Variants in KCNIP4 observed in about 807,000 individuals in gnomAD.
KCNIP4 encodes Kv channel-interacting protein 4.
A neutral mutation model predicts 34.0 loss-of-function variants in KCNIP4; 12 were observed. The ratio of observed to expected loss-of-function variants is 0.35; its 90% CI spans 0.23 to 0.57. The LOEUF (loss-of-function observed/expected upper bound fraction) is 0.57. Ranked by LOEUF, KCNIP4 falls within the 20% of genes least tolerant of loss-of-function variation. The probability of loss-of-function intolerance (pLI) is 0.83; values close to 1 mark genes in which losing one functional copy is unlikely to be tolerated. For missense variants in KCNIP4, 238 were observed against 311.7 expected, an observed-to-expected ratio of 0.76 and a Z score of 1.78; for synonymous variants, 124 against 102.2, an observed-to-expected ratio of 1.21 and a Z score of -1.29.
chr4:21,017,963 T>C (rs1227857364), intron 1 of KCNIP4, among the ~76,000 whole-genome samples: 1 of 152,222 alleles, frequency 6.6e-6, no homozygotes, highest in African/African-American at 2.4e-5. Context: ...AGTTTTGATG[T>C]GGTGTTTATA....
intron 1 of KCNIP4, among the ~76,000 whole-genome samples, chr4:21,367,053 C>A (rs774818212): frequency 5.3e-5 from 8 of 152,062 alleles, no homozygotes; most frequent in Non-Finnish European, 1.2e-4. Context: ...CATGTGAGGA[C>A]ACAGCGTTTC....
At chr4:21,929,583 A>T (rs1048971599) in intron 1 of KCNIP4, among the ~76,000 whole-genome samples, 1 of 152,120 alleles carries the variant, frequency 6.6e-6, no homozygotes, top group Non-Finnish European at 1.5e-5. Context: ...GCCTATAAAC[A>T]TGCCCAAACT....
intron 8 of KCNIP4, 84 bp downstream of exon 8, chr4:20,731,922 C>G (rs1748359604): frequency 1.4e-5 from 22 of 1,568,690 alleles, no homozygotes; most frequent in Non-Finnish European, 1.9e-5. Context: ...CTATATTTCG[C>G]CCAGTTCATG....
At chr4:20,731,655 A>ATGAT (rs1248216448) in intron 8 of KCNIP4, 1 of 985,154 alleles carries the variant, frequency 1.0e-6, no homozygotes, top group African/African-American at 1.7e-5. Flanking sequence ...CTGTGGAGAT[A>ATGAT]TGATAGATAA....
chr4:21,353,418 G>A (rs2109382419), intron 1 of KCNIP4, among the ~76,000 whole-genome samples: 1 of 152,266 alleles, frequency 6.6e-6, no homozygotes, highest in Non-Finnish European at 1.5e-5. Context: ...TAGATGAATG[G>A]CTAACTAGAC....
intron 1 of KCNIP4, among the ~76,000 whole-genome samples, chr4:21,726,581 T>G (rs1175291398): frequency 6.6e-6 from 1 of 152,186 alleles, no homozygotes; most frequent in Non-Finnish European, 1.5e-5. Context: ...ATTTGAGTCC[T>G]GCTTTCAGGA....
chr4:20,898,190 A>C (rs998292919), intron 1 of KCNIP4, among the ~76,000 whole-genome samples: 4 of 152,120 alleles, frequency 2.6e-5, no homozygotes, highest in African/African-American at 9.7e-5. Context: ...TTCAGACTCC[A>C]ACTTGATTAT....
intron 1 of KCNIP4, among the ~76,000 whole-genome samples, chr4:21,015,876 A>T (rs1214997443): frequency 7.0e-6 from 1 of 141,906 alleles, no homozygotes; most frequent in Non-Finnish European, 1.5e-5. Context: ...ATAAAAATAT[A>T]TAAATATATA....
chr4:21,816,587 C>T (rs1201093554), intron 1 of KCNIP4, among the ~76,000 whole-genome samples: 1 of 152,112 alleles, frequency 6.6e-6, no homozygotes. Flanking sequence ...CAGTACACAG[C>T]ACCACCTTTG....
chr4:21,127,859 C>T (rs1220446327), intron 1 of KCNIP4, among the ~76,000 whole-genome samples: 2 of 152,170 alleles, frequency 1.3e-5, no homozygotes, highest in Non-Finnish European at 2.9e-5. Flanking sequence ...GCTGTCCCTG[C>T]ACAATCAAAA....
chr4:21,000,102 T>C (rs916413006), intron 1 of KCNIP4, among the ~76,000 whole-genome samples: 2 of 152,146 alleles, frequency 1.3e-5, no homozygotes, highest in African/African-American at 4.8e-5. Flanking sequence ...CTTAGAATGG[T>C]GAATTTTCCA....
At chr4:20,757,526 A>C (rs1290944278) in intron 4 of KCNIP4, among the ~76,000 whole-genome samples, 1 of 150,148 alleles carries the variant, frequency 6.7e-6, no homozygotes, top group Non-Finnish European at 1.5e-5. Context: ...TCCATTGTAC[A>C]CTCTCTACCC....
intron 1 of KCNIP4, among the ~76,000 whole-genome samples, chr4:21,835,511 T>TAGTAA (rs3052837): frequency 0.76 from 115,062 of 151,556 alleles, 46,910 homozygotes; most frequent in East Asian, 0.89. Flanking sequence ...CAACAATTAT[T>TAGTAA]AGTAATTATT....
At chr4:21,109,629 G>A (rs550326168) in intron 1 of KCNIP4, among the ~76,000 whole-genome samples, 16 of 152,164 alleles carry the variant, frequency 1.1e-4, no homozygotes, top group African/African-American at 3.9e-4. Flanking sequence ...CCACTGTCTG[G>A]CACTCCCTAG....
At chr4:21,814,888 G>C (rs1359436927) in intron 1 of KCNIP4, among the ~76,000 whole-genome samples, 2 of 152,096 alleles carry the variant, frequency 1.3e-5, no homozygotes, top group Non-Finnish European at 2.9e-5. Context: ...AATTGACACA[G>C]AACTTGTTTC....
intron 1 of KCNIP4, among the ~76,000 whole-genome samples, chr4:21,168,739 G>A (rs1753807129): frequency 6.6e-6 from 1 of 152,044 alleles, no homozygotes; most frequent in Admixed American, 6.6e-5. Context: ...CATTAGTCTG[G>A]AAAAAAATAA....
rs1723263141 is a variant in KCNIP4, at chr4:21,399,249, G to C, written c.62-516540C>G. 2.0e-5 allele frequency among the ~76,000 whole-genome samples: 3 copies of C among 152,184 alleles called. No homozygotes were observed. The South Asian group carries it at 6.2e-4, about 32-fold the overall frequency. On this transcript the variant is annotated intron_variant, in intron 1 of 8. Coordinates refer to ENST00000382152, the MANE Select transcript of KCNIP4 (RefSeq NM_025221.6). Reference sequence around the variant, plus strand: ...CTTGGCCAGGGTGTAGGTTCTGTTAGGGCATGTGGTCCAAAGAGGGCCAAT... The same window carrying C: ...CTTGGCCAGGGTGTAGGTTCTGTTACGGCATGTGGTCCAAAGAGGGCCAAT...
chr4:21,091,226 A>G (rs1577675074), intron 1 of KCNIP4, among the ~76,000 whole-genome samples: 1 of 152,222 alleles, frequency 6.6e-6, no homozygotes, highest in South Asian at 2.1e-4. Context: ...TATGACAAGC[A>G]CTTGGCTAGC....
intron 3 of KCNIP4, among the ~76,000 whole-genome samples, chr4:20,781,969 G>A (rs1269142736): frequency 2.6e-5 from 4 of 152,162 alleles, no homozygotes; most frequent in African/African-American, 9.7e-5. Context: ...TACAATGGGA[G>A]TACAGGTATT....
Sources: gnomAD v4.1 joint callset for allele counts (sites outside exome capture counted in the v4.1 genomes callset) on GRCh38, gnomAD v4.1.1 for gene constraint, MANE v1.5 for transcripts, NCBI Gene and HGNC (gene_info 2026-07-23, HGNC 2026-07-21) for gene names.